Variants in SPIRE1 observed in about 807,000 individuals in gnomAD.
SPIRE1 encodes the protein spire type actin nucleation factor 1, also known as protein spire homolog 1.
SPIRE1 carries 40 observed loss-of-function variants against 94.1 expected under a neutral mutation model. That is an observed-to-expected ratio of 0.43 (90% CI 0.33 to 0.55). The LOEUF (loss-of-function observed/expected upper bound fraction) is 0.55. Ranked by LOEUF, SPIRE1 falls within the 20% of genes least tolerant of loss-of-function variation. The probability of loss-of-function intolerance (pLI) is 0.06; values close to 1 mark genes in which losing one functional copy is unlikely to be tolerated. For synonymous variants in SPIRE1, 376 were observed against 371.7 expected (o/e 1.01, Z -0.13); for missense variants, 838 against 975.2 (o/e 0.86, Z 1.87).
intron 10 of SPIRE1, among the ~76,000 whole-genome samples, chr18:12,478,357 G>A (rs1451347192): frequency 6.6e-6 from 1 of 151,202 alleles, no homozygotes; most frequent in Non-Finnish European, 1.5e-5. Context: ...TGTAGCTAGG[G>A]GAGGTGTGTA....
chr18:12,656,100 T>A (rs2038530953), intron 1 of SPIRE1, among the ~76,000 whole-genome samples: 1 of 152,176 alleles, frequency 6.6e-6, no homozygotes, highest in Non-Finnish European at 1.5e-5. Context: ...GGTTTCACCA[T>A]GTTGGCCAGG....
At chr18:12,575,626 CT>C (rs2036075295) in intron 2 of SPIRE1, among the ~76,000 whole-genome samples, 1 of 152,140 alleles carries the variant, frequency 6.6e-6, no homozygotes, top group Non-Finnish European at 1.5e-5. Context: ...TGGCCTTTCC[CT>C]AAAATTTAGA....
At chr18:12,648,224 A>T (rs1307407193) in intron 1 of SPIRE1, among the ~76,000 whole-genome samples, 1 of 152,108 alleles carries the variant, frequency 6.6e-6, no homozygotes, top group Non-Finnish European at 1.5e-5. Flanking sequence ...GGAATTAATG[A>T]CTCCTTTCTA....
chr18:12,655,893 C>T (rs907462320), intron 1 of SPIRE1, among the ~76,000 whole-genome samples: 43 of 152,062 alleles, frequency 2.8e-4, no homozygotes, highest in Admixed American at 2.8e-3. Flanking sequence ...AATCCCAAGG[C>T]ACGATATTGC....
intron 2 of SPIRE1, among the ~76,000 whole-genome samples, chr18:12,621,680 A>G (rs2037472512): frequency 6.6e-6 from 1 of 152,218 alleles, no homozygotes; most frequent in Admixed American, 6.5e-5. Flanking sequence ...TATAGAAAGT[A>G]GATTAGTGAT....
intron 7 of SPIRE1, among the ~76,000 whole-genome samples, chr18:12,494,253 T>A (rs2143873822): frequency 6.6e-6 from 1 of 152,274 alleles, no homozygotes; most frequent in East Asian, 1.9e-4. Context: ...CTAACATTTT[T>A]TAGTAACCAC....
At chr18:12,453,629 T>A (rs1481189137) in intron 13 of SPIRE1, among the ~76,000 whole-genome samples, 2 of 151,780 alleles carry the variant, frequency 1.3e-5, no homozygotes. Context: ...AGAGATGGGG[T>A]TTCACTGTGT....
intron 1 of SPIRE1, among the ~76,000 whole-genome samples, chr18:12,647,937 C>T (rs181006277): frequency 3.3e-5 from 5 of 152,168 alleles, no homozygotes; most frequent in East Asian, 1.9e-4. Context: ...AAAGCAAGGA[C>T]GTGCTCCACC....
chr18:12,649,698 A>G lies in SPIRE1; in HGVS notation c.337+7832T>C, dbSNP rs528648810. Among the ~76,000 whole-genome samples the G allele has an allele frequency of 3.9e-5, 6 of 152,302 alleles. No individual in the cohort carries two copies. The South Asian group carries it at 8.3e-4, about 21-fold the overall frequency. ...TCAACATATAGTCCTTGGTAGCTCA[A>G]TGATTTTTTTCTTCTAAAGTTTAGT... On this transcript the variant is annotated intron_variant, in intron 1 of 16. Transcript: ENST00000409402.
At chr18:12,651,415 G>A (rs1214631225) in intron 1 of SPIRE1, among the ~76,000 whole-genome samples, 3 of 152,068 alleles carry the variant, frequency 2.0e-5, no homozygotes, top group Non-Finnish European at 4.4e-5. Context: ...GGTGGCTCAC[G>A]CCTGTAATCC....
At position 12,571,085 on chromosome 18, in the gene SPIRE1, A is replaced by C. The variant is rs544606941; in HGVS notation, c.373-24181T>G. 5.5e-4 allele frequency among the ~76,000 whole-genome samples: 84 copies of C among 151,856 alleles called. 1 individual carries two copies. Among genetic ancestry groups the C allele is most frequent in the African/African-American group, 2.0e-3 (83 of 41,426 alleles). ...TTTATCCTATTTATTTATTAATTTT[A>C]TTTTTTTGAGATGGAGCCTTACTCT... On this transcript the variant is annotated intron_variant, in intron 2 of 16. Transcript: ENST00000409402.
intron 2 of SPIRE1, among the ~76,000 whole-genome samples, chr18:12,570,649 TAA>T (rs1182258944): frequency 1.3e-5 from 2 of 152,206 alleles, no homozygotes; most frequent in Non-Finnish European, 2.9e-5. Context: ...CTGAGGCAGT[TAA>T]TATATAACAA....
chr18:12,658,839 AGC>A, upstream of SPIRE1: 1 of 319,692 alleles, frequency 3.1e-6, no homozygotes, highest in South Asian at 2.4e-5. Flanking sequence ...AAGCTAAACC[AGC>A]GCCTGGAATA....
chr18:12,621,794 A>C (rs1400315808), intron 2 of SPIRE1, among the ~76,000 whole-genome samples: 1 of 152,198 alleles, frequency 6.6e-6, no homozygotes, highest in Non-Finnish European at 1.5e-5. Context: ...AATATCTCAA[A>C]AACCGCAAAT....
upstream of SPIRE1, chr18:12,658,564 C>T (rs983362430): frequency 2.1e-6 from 1 of 470,876 alleles, no homozygotes; most frequent in Non-Finnish European, 4.4e-6. Flanking sequence ...CCCGCATTGA[C>T]GTTCCCTAGG....
chr18:12,569,447 T>C (rs2035904952), intron 2 of SPIRE1, among the ~76,000 whole-genome samples: 1 of 152,068 alleles, frequency 6.6e-6, no homozygotes, highest in African/African-American at 2.4e-5. Context: ...GAATGTCTAA[T>C]ATTTTGCCAG....
intron 9 of SPIRE1, among the ~76,000 whole-genome samples, chr18:12,481,155 C>T (rs375172686): frequency 6.6e-6 from 1 of 152,060 alleles, no homozygotes; most frequent in Admixed American, 6.5e-5. Flanking sequence ...CATGGTGAAA[C>T]CCCGTCTCCA....
chr18:12,491,967 G>C (rs2033249039), intron 8 of SPIRE1, among the ~76,000 whole-genome samples: 1 of 152,208 alleles, frequency 6.6e-6, no homozygotes, highest in South Asian at 2.1e-4. Context: ...TCTACATTGG[G>C]AAAACAAAAT....
intron 8 of SPIRE1, among the ~76,000 whole-genome samples, chr18:12,491,979 C>T (rs983267366): frequency 2.0e-5 from 3 of 152,102 alleles, no homozygotes; most frequent in African/African-American, 7.2e-5. Context: ...AAACAAAATG[C>T]AATGGTTTGG....
Sources: gnomAD v4.1 joint callset for allele counts (sites outside exome capture counted in the v4.1 genomes callset) on GRCh38, gnomAD v4.1.1 for gene constraint, MANE v1.5 for transcripts, NCBI Gene and HGNC (gene_info 2026-07-23, HGNC 2026-07-21) for gene names.